The following MFAP5 variants were observed in gnomAD, a reference collection of about 807,000 sequenced individuals.
MFAP5 encodes microfibrillar-associated protein 5.
Under a neutral mutation model 30.1 loss-of-function variants are expected in MFAP5, and 19 were observed. The ratio of observed to expected loss-of-function variants is 0.63; its 90% CI spans 0.44 to 0.93. The LOEUF (loss-of-function observed/expected upper bound fraction) is 0.93. MFAP5 is among the 40% of genes least tolerant of loss of function. The probability of loss-of-function intolerance (pLI) is 0.00; values close to 1 mark genes in which losing one functional copy is unlikely to be tolerated. For missense variants in MFAP5, 210 were observed against 221.3 expected (o/e 0.95, Z 0.32); for synonymous variants, 92 against 72.9 (o/e 1.26, Z -1.33).
At chr12:8,651,522 G>A (rs866856798) in intron 7 of MFAP5, 140 bp downstream of exon 7, 1 of 824,772 alleles carries the variant, frequency 1.2e-6, no homozygotes, top group Non-Finnish European at 2.0e-6. Flanking sequence ...AAGAGTAAGG[G>A]AGTGAAGAAC....
intron 2 of MFAP5, 99 bp downstream of exon 2, chr12:8,661,948 A>C: frequency 8.9e-7 from 1 of 1,127,826 alleles, no homozygotes; most frequent in Non-Finnish European, 1.3e-6. Flanking sequence ...AAGCATCTCT[A>C]CTGCTATTCC....
chr12:8,660,613 T>C (rs2136482977), intron 3 of MFAP5, among the ~76,000 whole-genome samples: 1 of 152,270 alleles, frequency 6.6e-6, no homozygotes, highest in Non-Finnish European at 1.5e-5. Context: ...GAGGATGTCT[T>C]GGGAAGGTGT....
In MFAP5 at chr12:8,646,488, T is replaced by C. The variant is rs1032748700; in HGVS notation, c.*1603A>G. 6.6e-6 allele frequency: 1 copy of C among 152,094 alleles called. No individual in the cohort carries two copies. The highest frequency in any genetic ancestry group is 6.5e-5 in the Admixed American group (1 of 15,270). The allele number at this position is 152,094 out of a possible 1,614,324, so 9.4% of individuals were successfully genotyped here. On this transcript the variant is annotated 3_prime_UTR_variant, in exon 10 of 10. Transcript: ENST00000359478. The stretch of plus-strand genomic sequence containing the variant: ...TATAATGGGATTTTCTTCTATTCCA[T>C]TGTGGACTGCTACCCTCACCTAGGA...
chr12:8,659,614 T>C (rs1942093008), intron 3 of MFAP5, among the ~76,000 whole-genome samples: 1 of 152,154 alleles, frequency 6.6e-6, no homozygotes, highest in Non-Finnish European at 1.5e-5. Flanking sequence ...TGCCCTTTTT[T>C]CCTAGATTCA....
rs767358373 is a variant in MFAP5, at chr12:8,649,517, T to C, written c.393A>G (p.Glu131=). The change falls in exon 9 of 10, where the codon GAA becomes GAG. Residue 131 remains glutamate (E), a synonymous_variant. Coordinates refer to ENST00000359478, the MANE Select transcript of MFAP5 (RefSeq NM_003480.4). ...TCATCTTACCTTTCATAGCTTCGTG[T>C]TCCTTACAGACAAGACGAGAGCAGA... ...KEICSRLVCK[E]HEAMKDELCR... is the part of the protein sequence containing the mutation. 1.9e-6 allele frequency: 3 copies of C among 1,614,046 alleles called. No individual in the cohort carries two copies. The African/African-American group carries it at 4.0e-5, about 22-fold the overall frequency.
chr12:8,656,291 G>T lies in MFAP5; in HGVS notation c.95-461C>A, dbSNP rs371572388. 2.0e-5 allele frequency among the ~76,000 whole-genome samples: 3 copies of T among 151,562 alleles called. No homozygotes were observed. The South Asian group carries it at 6.2e-4, about 32-fold the overall frequency. On this transcript the variant is annotated intron_variant, in intron 3 of 9. Transcript: ENST00000359478. ...TCTCGATCTCCTGACCTCGTGAACC[G>T]CCCCCCTCGGCCTCCCAAAGTGCTG...
intron 3 of MFAP5, among the ~76,000 whole-genome samples, chr12:8,660,524 G>A (rs935759287): frequency 2.6e-5 from 4 of 152,056 alleles, no homozygotes; most frequent in South Asian, 2.1e-4. Context: ...ATTAAGGAAC[G>A]CTTTTTGTAA....
rs1941782011 is a variant in MFAP5, at chr12:8,649,732, C to T, written c.336-158G>A. Among the ~76,000 whole-genome samples the T allele has an allele frequency of 1.3e-5, 2 of 152,110 alleles. 1 individual carries two copies. The highest frequency in any genetic ancestry group is 1.3e-4 in the Admixed American group (2 of 15,256). On this transcript the variant is annotated intron_variant, in intron 8 of 9. Transcript: ENST00000359478. ...TTTTCTTAAGTATTTCAGACTTTTG[C>T]CCCCCAACTGGAAAATAGGGGAGGG... is the stretch of plus-strand genomic sequence containing the variant.
intron 8 of MFAP5, 26 bp downstream of exon 8, chr12:8,650,476 T>A: frequency 1.2e-6 from 2 of 1,602,574 alleles, no homozygotes; most frequent in Non-Finnish European, 1.7e-6. Flanking sequence ...TGGAAGATGC[T>A]TTTTGGGCAT....
In MFAP5 at chr12:8,656,668, A is replaced by ATATT. The variant is rs1174790172; in HGVS notation, c.95-839_95-838insAATA. ...CACACACATATATATATATATATAT[A>ATATT]TTTTTTTTTTTTGAGACAGAGTCTG... On this transcript the variant is annotated intron_variant, in intron 3 of 9. Coordinates refer to ENST00000359478, the MANE Select transcript of MFAP5 (RefSeq NM_003480.4). 1.8e-3 allele frequency among the ~76,000 whole-genome samples: 219 copies of ATATT among 118,710 alleles called. 4 individuals are homozygous for ATATT. Among genetic ancestry groups the ATATT allele is most frequent in the South Asian group, 7.4e-3 (30 of 4,046 alleles). The allele number at this position is 118,710 out of a possible 152,430, so 77.9% of individuals were successfully genotyped here.
intron 5 of MFAP5, among the ~76,000 whole-genome samples, chr12:8,654,759 A>G (rs1270698166): frequency 6.6e-6 from 1 of 151,960 alleles, no homozygotes; most frequent in Non-Finnish European, 1.5e-5. Flanking sequence ...CAGCCTGGCC[A>G]ATATAGTGAA....
Position 8,648,142 on chromosome 12 carries a change from G to T in MFAP5, c.471C>A (p.Phe157Leu). 3.1e-6 allele frequency: 5 copies of T among 1,614,040 alleles called. No individual in the cohort carries two copies. Among genetic ancestry groups the T allele is most frequent in the Non-Finnish European group, 4.2e-6 (5 of 1,179,946 alleles). The change falls in exon 10 of 10, where the codon TTC becomes TTA. Residue 157 changes from phenylalanine to leucine, a missense_variant. By Grantham distance (22) the Phe-to-Leu change is conservative. Coordinates refer to ENST00000359478, the MANE Select transcript of MFAP5 (RefSeq NM_003480.4). Reference protein sequence around the residue: ...PPRRLRRSNYFRLPPCENVDL... With the variant: ...PPRRLRRSNYLRLPPCENVDL... ...CCACATTTTCACAGGGAGGAAGTCG[G>T]AAGTAATTGGAGCGACGGAGTCTCC...
intron 1 of MFAP5, chr12:8,662,324 C>T: frequency 1.8e-6 from 1 of 545,240 alleles, no homozygotes; most frequent in Non-Finnish European, 3.2e-6. Context: ...ATTATTCTTG[C>T]TTTTATTATT....
At chr12:8,660,823 T>C in intron 3 of MFAP5, 40 bp downstream of exon 3, 1 of 1,576,408 alleles carries the variant, frequency 6.3e-7, no homozygotes, top group Non-Finnish European at 8.7e-7. Context: ...ATTTTCCTGA[T>C]AAGAACCCCA....
intron 4 of MFAP5, 114 bp downstream of exon 4, chr12:8,655,672 G>A: frequency 7.9e-7 from 1 of 1,264,284 alleles, no homozygotes; most frequent in East Asian, 2.3e-5. Context: ...CTCTGCATGA[G>A]CTCAGAGCAC....
chr12:8,652,477 T>G (rs763424538), intron 6 of MFAP5, among the ~76,000 whole-genome samples: 136 of 110,392 alleles, frequency 1.2e-3, no homozygotes, highest in South Asian at 0.011. Flanking sequence ...AATAAATAAA[T>G]AAAGAATAAT....
intron 7 of MFAP5, 57 bp downstream of exon 7, chr12:8,651,605 T>A (rs1941840261): frequency 6.4e-7 from 1 of 1,552,400 alleles, no homozygotes; most frequent in African/African-American, 1.4e-5. Context: ...AACAAGGAGG[T>A]AAGGAATCCA....
intron 3 of MFAP5, among the ~76,000 whole-genome samples, chr12:8,659,604 T>C (rs1942092794): frequency 6.6e-6 from 1 of 152,204 alleles, no homozygotes; most frequent in Non-Finnish European, 1.5e-5. Context: ...GTCACATTCC[T>C]GCCCTTTTTT....
At chr12:8,655,662 C>G (rs894693620) in intron 4 of MFAP5, 124 bp downstream of exon 4, 1 of 1,172,112 alleles carries the variant, frequency 8.5e-7, no homozygotes, top group East Asian at 2.4e-5. Flanking sequence ...GACAACAGAA[C>G]TCTGCATGAG....
Sources: allele counts gnomAD v4.1 joint callset (sites outside exome capture counted in the v4.1 genomes callset), GRCh38; gene constraint gnomAD v4.1.1; transcripts MANE v1.5; gene names NCBI Gene and HGNC (gene_info 2026-07-23, HGNC 2026-07-21).